Variants in MED26 observed in about 807,000 individuals in gnomAD.
The protein encoded by MED26 is mediator complex subunit 26.
Under a neutral mutation model 43.7 loss-of-function variants are expected in MED26, and 7 were observed. The ratio of observed to expected loss-of-function variants is 0.16; its 90% CI spans 0.09 to 0.30. The LOEUF (loss-of-function observed/expected upper bound fraction) is 0.30. Ranked by LOEUF, MED26 falls within the 10% of genes least tolerant of loss-of-function variation. MED26 has a pLI of 1.00. For synonymous variants in MED26, 375 were observed against 371.1 expected (o/e 1.01, Z -0.12); for missense variants, 784 against 840.6 (o/e 0.93, Z 0.83).
chr19:16,613,710 AT>A (rs2086210057), intron 1 of MED26, among the ~76,000 whole-genome samples: 1 of 152,210 alleles, frequency 6.6e-6, no homozygotes, highest in African/African-American at 2.4e-5. Flanking sequence ...CATCTATAAA[AT>A]GGGATAATTC....
intron 1 of MED26, among the ~76,000 whole-genome samples, chr19:16,581,735 G>T (rs1489028499): frequency 1.3e-5 from 2 of 152,188 alleles, no homozygotes; most frequent in Non-Finnish European, 2.9e-5. Context: ...GGGAGCTGGG[G>T]ACACCAGGCG....
intron 1 of MED26, among the ~76,000 whole-genome samples, chr19:16,579,074 C>G (rs12461078): frequency 2.6e-5 from 4 of 152,086 alleles, no homozygotes; most frequent in Non-Finnish European, 5.9e-5. Context: ...GCACTCCAGC[C>G]TGGGTGACAG....
intron 1 of MED26, among the ~76,000 whole-genome samples, chr19:16,620,424 C>A (rs1048309300): frequency 1.3e-5 from 2 of 152,222 alleles, no homozygotes; most frequent in African/African-American, 4.8e-5. Flanking sequence ...AGGTGAAGTG[C>A]TGAAAACCGC....
At chr19:16,603,019 A>G (rs2086156917) in intron 1 of MED26, among the ~76,000 whole-genome samples, 1 of 152,230 alleles carries the variant, frequency 6.6e-6, no homozygotes, top group Non-Finnish European at 1.5e-5. Flanking sequence ...ACAAAAACAA[A>G]AACAAAAACA....
At chr19:16,597,884 G>A (rs1022143230) in intron 1 of MED26, among the ~76,000 whole-genome samples, 7 of 151,866 alleles carry the variant, frequency 4.6e-5, no homozygotes, top group East Asian at 3.9e-4. Flanking sequence ...CACCTTGCCC[G>A]GCTAATTTTT....
rs543283261 is a variant in MED26 at position 16,577,886 on chromosome 19, CA to C, written c.148-205del. ...TTCTCAAACCTAGTTCCCAGACCTT[CA>C]GGGTCCCAGGTGGCTTCTCAGCAGT... On this transcript the variant is annotated intron_variant, in intron 2 of 2. Transcript: ENST00000263390. The surrounding 1 kb of genome is among the most constrained non-coding windows in gnomAD (Gnocchi z 8.1). 273 of 521,270 alleles carry C rather than the reference CA, an allele frequency of 5.2e-4. 1 individual carries two copies. Among genetic ancestry groups the C allele is most frequent in the African/African-American group, 5.1e-3 (261 of 50,776 alleles). The allele number at this position is 521,270 out of a possible 1,614,324, so 32.3% of individuals were successfully genotyped here.
chr19:16,584,011 T>C (rs957637373), intron 1 of MED26, among the ~76,000 whole-genome samples: 2 of 152,034 alleles, frequency 1.3e-5, no homozygotes, highest in Non-Finnish European at 2.9e-5. Context: ...CATGGGGGCA[T>C]GGAGGGGACA....
chr19:16,604,788 C>T (rs1052202277), intron 1 of MED26, among the ~76,000 whole-genome samples: 1 of 152,226 alleles, frequency 6.6e-6, no homozygotes, highest in African/African-American at 2.4e-5. Flanking sequence ...CAGGGAATGG[C>T]TCACAGCGAT....
intron 1 of MED26, among the ~76,000 whole-genome samples, chr19:16,613,534 A>C (rs2086209325): frequency 6.6e-6 from 1 of 152,062 alleles, no homozygotes; most frequent in East Asian, 1.9e-4. Flanking sequence ...CTTGACGGGC[A>C]CTGTCTAGGT....
chr19:16,604,975 C>T (rs1239556732), intron 1 of MED26, among the ~76,000 whole-genome samples: 3 of 152,134 alleles, frequency 2.0e-5, no homozygotes, highest in African/African-American at 4.8e-5. Flanking sequence ...CTGCAGTACT[C>T]GACAGCACCC....
intron 1 of MED26, among the ~76,000 whole-genome samples, chr19:16,604,183 A>G (rs2086162202): frequency 6.6e-6 from 1 of 152,214 alleles, no homozygotes; most frequent in Non-Finnish European, 1.5e-5. Context: ...AAGCTGGGAC[A>G]CACTGTGGAG....
intron 1 of MED26, among the ~76,000 whole-genome samples, chr19:16,620,919 T>TG (rs2086248734): frequency 6.6e-6 from 1 of 152,246 alleles, no homozygotes; most frequent in Non-Finnish European, 1.5e-5. Context: ...CCTGTTGTTA[T>TG]GTGAAGCTTC....
intron 1 of MED26, among the ~76,000 whole-genome samples, chr19:16,627,669 G>A (rs975377303): frequency 6.6e-6 from 1 of 152,232 alleles, no homozygotes; most frequent in East Asian, 1.9e-4. Flanking sequence ...CGGAAGCCTC[G>A]GCCTCACGTA....
intron 1 of MED26, among the ~76,000 whole-genome samples, chr19:16,626,488 G>C (rs1290895368): frequency 1.3e-5 from 2 of 152,124 alleles, no homozygotes; most frequent in Non-Finnish European, 2.9e-5. Context: ...TTACCATCAA[G>C]TCAATGTTAA....
At chr19:16,615,732 C>T (rs567185929) in intron 1 of MED26, among the ~76,000 whole-genome samples, 68 of 149,118 alleles carry the variant, frequency 4.6e-4, no homozygotes, top group African/African-American at 1.6e-3. Flanking sequence ...GGAGGCAGAG[C>T]AAGACTCCAT....
chr19:16,618,692 A>C (rs1013239707), intron 1 of MED26, among the ~76,000 whole-genome samples: 7 of 152,182 alleles, frequency 4.6e-5, no homozygotes, highest in Admixed American at 3.9e-4. Flanking sequence ...CACTGGATCC[A>C]CTATTCTTCT....
intron 1 of MED26, among the ~76,000 whole-genome samples, chr19:16,608,277 A>G (rs140152773): frequency 1.6e-4 from 25 of 152,346 alleles, no homozygotes; most frequent in African/African-American, 5.3e-4. Flanking sequence ...TAAGCTTACA[A>G]TAAGTTGTGA....
intron 1 of MED26, 152 bp downstream of exon 1, chr19:16,627,720 C>A (rs1459970647): frequency 6.1e-6 from 3 of 488,572 alleles, no homozygotes; most frequent in Admixed American, 4.4e-5. Flanking sequence ...CCGGCCCGGG[C>A]CCGAGAAGCG....
chr19:16,582,245 G>A (rs1473050438), intron 1 of MED26, among the ~76,000 whole-genome samples: 1 of 152,242 alleles, frequency 6.6e-6, no homozygotes, highest in Non-Finnish European at 1.5e-5. Flanking sequence ...TGCGACCTCT[G>A]GGGCATTGAT....
Sources: allele counts gnomAD v4.1 joint callset (sites outside exome capture counted in the v4.1 genomes callset), GRCh38; gene constraint gnomAD v4.1.1; non-coding constraint Gnocchi (gnomAD v3.1); transcripts MANE v1.5; gene names NCBI Gene and HGNC (gene_info 2026-07-23, HGNC 2026-07-21).